GATAD2B: variants seen among roughly 807,000 people sequenced by gnomAD.
The protein encoded by GATAD2B is GATA zinc finger domain containing 2B, also known as transcriptional repressor p66-beta.
GATAD2B carries 8 observed loss-of-function variants against 64.3 expected under a neutral mutation model. That is an observed-to-expected ratio of 0.12 (90% confidence interval 0.07 to 0.22). The LOEUF (loss-of-function observed/expected upper bound fraction) is 0.22. GATAD2B is among the 10% of genes least tolerant of loss of function. The pLI, the probability that GATAD2B is intolerant of heterozygous loss-of-function variation, is 1.00. For missense variants in GATAD2B, 453 were observed against 752.0 expected (o/e 0.60, Z 4.65); for synonymous variants, 281 against 271.3 (o/e 1.04, Z -0.35).
At chr1:153,818,699 T>G in intron 4 of GATAD2B, 92 bp downstream of exon 4, 13 of 1,112,618 alleles carry the variant, frequency 1.2e-5, no homozygotes, top group African/African-American at 1.6e-5. Flanking sequence ...AGAGAAGAAA[T>G]GAGCCACCCA....
At chr1:153,852,250 A>C (rs1675921768) in intron 1 of GATAD2B, 31 of 1,226,538 alleles carry the variant, frequency 2.5e-5, no homozygotes, top group Non-Finnish European at 3.6e-5. Flanking sequence ...AAATCCATCA[A>C]GTCATCTAAA....
chr1:153,814,906 G>A (rs1445427987), intron 7 of GATAD2B, among the ~76,000 whole-genome samples: 2 of 151,216 alleles, frequency 1.3e-5, no homozygotes, highest in African/African-American at 4.9e-5. Flanking sequence ...AACCCAGGAG[G>A]TGGAGGTTGC....
intron 1 of GATAD2B, among the ~76,000 whole-genome samples, chr1:153,905,999 G>A (rs546768095): frequency 2.7e-5 from 4 of 150,000 alleles, no homozygotes; most frequent in Non-Finnish European, 5.9e-5. Context: ...ACTGGGAGTC[G>A]GAGGTTGCAC....
chr1:153,912,224 G>A (rs1678129369), intron 1 of GATAD2B, among the ~76,000 whole-genome samples: 1 of 152,098 alleles, frequency 6.6e-6, no homozygotes, highest in African/African-American at 2.4e-5. Flanking sequence ...AAATTCATGA[G>A]TTCTCAAAAG....
At position 153,862,725 on chromosome 1, in the gene GATAD2B, C is replaced by CT. The variant is rs747632481; in HGVS notation, c.-1-34378dup. Among the ~76,000 whole-genome samples the CT allele has an allele frequency of 5.7e-3, 729 of 127,152 alleles. 11 individuals are homozygous for CT. Among genetic ancestry groups the CT allele is most frequent in the African/African-American group, 0.015 (531 of 34,454 alleles). 83.4% of individuals were successfully genotyped at this position (127,152 alleles called of 152,430 possible). On this transcript the variant is annotated intron_variant, in intron 1 of 10. Coordinates refer to ENST00000368655, the MANE Select transcript of GATAD2B (RefSeq NM_020699.4). Reference sequence around the variant, plus strand: ...CGCCTGGCCAATCTCTACTTTATTTCTTTTTTTTTTTTTTTTGAAATGGAG... The same window carrying CT: ...CGCCTGGCCAATCTCTACTTTATTTCTTTTTTTTTTTTTTTTTGAAATGGAG...
At chr1:153,874,902 C>T (rs1250102819) in intron 1 of GATAD2B, among the ~76,000 whole-genome samples, 1 of 148,320 alleles carries the variant, frequency 6.7e-6, no homozygotes, top group Non-Finnish European at 1.5e-5. Context: ...GAAACAGGGT[C>T]TTGTTCTGTC....
At chr1:153,906,363 G>A (rs977519956) in intron 1 of GATAD2B, among the ~76,000 whole-genome samples, 3 of 152,134 alleles carry the variant, frequency 2.0e-5, no homozygotes, top group Non-Finnish European at 2.9e-5. Flanking sequence ...AGGTTGCAGT[G>A]AACCAAGATT....
In GATAD2B at chr1:153,904,784, G is replaced by A. The variant is rs148610734; in HGVS notation, c.-2+17949C>T. ...GTGCAGTGGCACATCTCGGCTCACT[G>A]CAATCTCCGCCTCCCTGCTTCAAGC... On this transcript the variant is annotated intron_variant, in intron 1 of 10. Transcript: ENST00000368655. 8.8e-3 allele frequency among the ~76,000 whole-genome samples: 1,334 copies of A among 151,966 alleles called. 23 individuals carry two copies. Among genetic ancestry groups the A allele is most frequent in the African/African-American group, 0.031 (1,277 of 41,442 alleles).
chr1:153,818,314 CTTTTTTTT>C (rs35175263), intron 4 of GATAD2B, 143 bp from the exon 5 acceptor site: 4 of 320,420 alleles, frequency 1.2e-5, no homozygotes, highest in African/African-American at 5.4e-5. Flanking sequence ...TCAAGGTTTT[CTTTTTTTT>C]TTTTTTTTTT....
At chr1:153,868,135 G>A (rs2101927109) in intron 1 of GATAD2B, among the ~76,000 whole-genome samples, 1 of 152,224 alleles carries the variant, frequency 6.6e-6, no homozygotes, top group Admixed American at 6.5e-5. Context: ...CGGGAGGGAG[G>A]AGGTTGCATT....
At chr1:153,911,811 T>C (rs1678116085) in intron 1 of GATAD2B, among the ~76,000 whole-genome samples, 1 of 152,004 alleles carries the variant, frequency 6.6e-6, no homozygotes, top group African/African-American at 2.4e-5. Flanking sequence ...ACCTATAAAA[T>C]AATGGGTAAA....
At chr1:153,909,858 G>C (rs1678061821) in intron 1 of GATAD2B, among the ~76,000 whole-genome samples, 1 of 150,916 alleles carries the variant, frequency 6.6e-6, no homozygotes, top group Non-Finnish European at 1.5e-5. Context: ...TGAGGCAGGA[G>C]AATCGCCTGA....
rs765430087 is a variant in GATAD2B at position 153,811,762 on chromosome 1, C to T, written c.1617G>A (p.Leu539=). The stretch of plus-strand genomic sequence containing the variant: ...TACCAAGGAGGCCACCTGGCACAGA[C>T]AACTGGGGTGCCTGTGCAAAGTTTG... The part of the protein sequence containing the change: ...MLSNFAQAPQ[L]SVPGGLLGMP... The change falls in exon 10 of 11, where the codon TTG becomes TTA. Residue 539 remains leucine (L), a synonymous_variant. Transcript: ENST00000368655. 11 of 1,611,074 alleles carry T rather than the reference C, an allele frequency of 6.8e-6. No homozygotes were observed. The Admixed American group carries it at 1.2e-4, about 17-fold the overall frequency.
At chr1:153,852,290 G>A in intron 1 of GATAD2B, 1 of 1,140,992 alleles carries the variant, frequency 8.8e-7, no homozygotes, top group South Asian at 1.3e-5. Flanking sequence ...GCTGCCCCTT[G>A]CTAGAAGTGG....
chr1:153,857,253 C>A (rs1676118229), intron 1 of GATAD2B, among the ~76,000 whole-genome samples: 1 of 151,934 alleles, frequency 6.6e-6, no homozygotes, highest in Non-Finnish European at 1.5e-5. Flanking sequence ...TGAGACCAGC[C>A]TGGCCAACAT....
At chr1:153,844,408 G>A (rs1376416554) in intron 1 of GATAD2B, among the ~76,000 whole-genome samples, 1 of 145,816 alleles carries the variant, frequency 6.9e-6, no homozygotes, top group Non-Finnish European at 1.5e-5. Context: ...TTAAGTACTG[G>A]CCTAACAAAT....
intron 1 of GATAD2B, among the ~76,000 whole-genome samples, chr1:153,897,855 C>T (rs759604916): frequency 1.3e-5 from 2 of 151,946 alleles, no homozygotes; most frequent in Non-Finnish European, 2.9e-5. Context: ...TCAAATATTT[C>T]GTTCCCTGGG....
chr1:153,853,294 C>A, intron 1 of GATAD2B: 1 of 870,326 alleles, frequency 1.1e-6, no homozygotes, highest in East Asian at 2.4e-5. Context: ...TCAAGTAGGA[C>A]ACTGGTCCTT....
At chr1:153,906,311 C>T (rs901782660) in intron 1 of GATAD2B, among the ~76,000 whole-genome samples, 2 of 150,598 alleles carry the variant, frequency 1.3e-5, no homozygotes, top group Non-Finnish European at 3.0e-5. Flanking sequence ...TCCAGCCACT[C>T]GGGAGGCTGA....
Sources: allele counts gnomAD v4.1 joint callset (sites outside exome capture counted in the v4.1 genomes callset), GRCh38; gene constraint gnomAD v4.1.1; transcripts MANE v1.5; gene names NCBI Gene and HGNC (gene_info 2026-07-23, HGNC 2026-07-21).